CACNG7: variants seen among roughly 807,000 people sequenced by gnomAD.
The protein encoded by CACNG7 is voltage-dependent calcium channel gamma-7 subunit.
Under a neutral mutation model 26.3 loss-of-function variants are expected in CACNG7, and 9 were observed. The observed-to-expected ratio is 0.34, with a 90% CI of 0.21 to 0.60. CACNG7 has a LOEUF of 0.60. Among genes scored for constraint, CACNG7 ranks in the 20% least tolerant of loss-of-function variants. The pLI is 0.81. For missense variants in CACNG7, 297 were observed against 380.4 expected (o/e 0.78, Z 1.82); for synonymous variants, 170 against 157.0 (o/e 1.08, Z -0.62).
At position 53,942,318 on chromosome 19, in the gene CACNG7, GCCT is replaced by G. The variant is rs536287129; in HGVS notation, c.*39_*41del. 944 of 1,449,378 alleles carry G rather than the reference GCCT, an allele frequency of 6.5e-4. 2 individuals carry two copies. In the African/African-American group the frequency reaches 8.5e-3, roughly 13 times the overall value. 89.8% of individuals were successfully genotyped at this position (1,449,378 alleles called of 1,614,324 possible). ...AGGCCCGCCCCTCGGAGCTCCCCCTGCCTCCTCCTCCTCCTCGTCTTAGGGGGG... is the reference window on the plus strand; with the variant it reads ...AGGCCCGCCCCTCGGAGCTCCCCCTGCCTCCTCCTCCTCGTCTTAGGGGGG... On this transcript the variant is annotated 3_prime_UTR_variant, in exon 6 of 6. Coordinates refer to ENST00000391767, the MANE Select transcript of CACNG7 (RefSeq NM_031896.5). The surrounding 1 kb of genome is among the most constrained non-coding windows in gnomAD (Gnocchi z 5.9).
At chr19:53,929,834 G>C (rs910613155) in intron 4 of CACNG7, among the ~76,000 whole-genome samples, 2 of 152,124 alleles carry the variant, frequency 1.3e-5, no homozygotes, top group South Asian at 2.1e-4. Flanking sequence ...GTTAATTCTT[G>C]GAAGGGATAG....
At position 53,912,733 on chromosome 19, in the gene CACNG7, G is replaced by A. The variant is rs1158802118; in HGVS notation, c.-29-70G>A. 3 of 1,235,846 alleles carry A rather than the reference G, an allele frequency of 2.4e-6. No individual in the cohort carries two copies. The highest frequency in any genetic ancestry group is 2.3e-6 in the Non-Finnish European group (2 of 862,720). The allele number at this position is 1,235,846 out of a possible 1,614,324, so 76.6% of individuals were successfully genotyped here. On this transcript the variant is annotated intron_variant, in intron 1 of 5. Transcript: ENST00000391767. This position sits in a 1 kb window ranked among gnomAD's most constrained non-coding sequence, Gnocchi z 4.6. ...GTCTCTGGCTAGGGCCCAGCATCCC[G>A]GGTTGCTGCATGGGGTCAAGCACTC...
intron 4 of CACNG7, among the ~76,000 whole-genome samples, chr19:53,923,926 TC>T (rs1378120093): frequency 9.1e-5 from 11 of 121,518 alleles, no homozygotes; most frequent in Non-Finnish European, 1.5e-4. Context: ...GGTGGAGTTG[TC>T]CCCAGGTCTG....
At chr19:53,924,104 G>GTATTGGTGGAGTTGTCCCCAGGTCTGGT (rs1221782957) in intron 4 of CACNG7, among the ~76,000 whole-genome samples, 1 of 111,316 alleles carries the variant, frequency 9.0e-6, no homozygotes. Flanking sequence ...CCAGGTCTGG[G>GTATTGGTGGAGTTGTCCCCAGGTCTGGT]TATTGGTGGA....
At position 53,940,226 on chromosome 19, in the gene CACNG7, T is replaced by G. The variant is rs894613209; in HGVS notation, c.425-1244T>G. ...AAATTCTCAGATTGGACCTCTCCTC[T>G]GCACACTGTCCGTATGCTCTATTTC... is the stretch of plus-strand genomic sequence containing the variant. On this transcript the variant is annotated intron_variant, in intron 4 of 5. Coordinates refer to ENST00000391767, the MANE Select transcript of CACNG7 (RefSeq NM_031896.5). The surrounding 1 kb of genome is among the most constrained non-coding windows in gnomAD (Gnocchi z 4.1). 3.9e-5 allele frequency among the ~76,000 whole-genome samples: 6 copies of G among 152,210 alleles called. No individual in the cohort carries two copies. The highest frequency in any genetic ancestry group is 1.4e-4 in the African/African-American group (6 of 41,470).
intron 4 of CACNG7, among the ~76,000 whole-genome samples, chr19:53,930,342 A>G (rs925017312): frequency 4.4e-4 from 66 of 151,412 alleles, no homozygotes; most frequent in Admixed American, 4.3e-3. Context: ...CCGAATAGCT[A>G]GGACTACAGG....
chr19:53,935,700 C>A (rs962940887), intron 4 of CACNG7, among the ~76,000 whole-genome samples: 2 of 115,558 alleles, frequency 1.7e-5, no homozygotes, highest in Non-Finnish European at 3.2e-5. Context: ...AGTGCAATGG[C>A]GCGATCTCGG....
At chr19:53,936,709 A>G (rs1417925681) in intron 4 of CACNG7, among the ~76,000 whole-genome samples, 2 of 152,226 alleles carry the variant, frequency 1.3e-5, no homozygotes, top group South Asian at 4.2e-4. Context: ...CCTGGGTTCA[A>G]GCAATTCTTG....
At chr19:53,929,467 A>T (rs74491146) in intron 4 of CACNG7, among the ~76,000 whole-genome samples, 7,123 of 151,906 alleles carry the variant, frequency 0.047, 544 homozygotes, top group African/African-American at 0.16. Context: ...TGTATTTTTT[A>T]ATTTTTTGAG....
Position 53,940,140 on chromosome 19 carries a change from TC to T in CACNG7, c.425-1329del, listed in dbSNP as rs1471512285. Among the ~76,000 whole-genome samples the T allele has an allele frequency of 2.6e-5, 4 of 152,284 alleles. No homozygotes were observed. The highest frequency in any genetic ancestry group is 9.6e-5 in the African/African-American group (4 of 41,568). ...GAACTTTATAGCCTCCTTAAGCCAC[TC>T]TTGGCATGGTTACTGTTTAGAGGAA... is the stretch of plus-strand genomic sequence containing the variant. On this transcript the variant is annotated intron_variant, in intron 4 of 5. Coordinates refer to ENST00000391767, the MANE Select transcript of CACNG7 (RefSeq NM_031896.5). This position sits in a 1 kb window ranked among gnomAD's most constrained non-coding sequence, Gnocchi z 4.1.
chr19:53,937,397 A>G (rs307917), intron 4 of CACNG7, among the ~76,000 whole-genome samples: 130,794 of 152,176 alleles, frequency 0.86, 56,304 homozygotes, highest in East Asian at 0.97. Context: ...AATGTAGAAG[A>G]ACGTCCATTC....
chr19:53,923,099 G>GCTGGTCATTGGTGGAGTTGCCCCAGGT (rs1568775962), intron 4 of CACNG7, among the ~76,000 whole-genome samples: 2 of 121,156 alleles, frequency 1.7e-5, no homozygotes, highest in Non-Finnish European at 3.4e-5. Context: ...GTTGTCCCAG[G>GCTGGTCATTGGTGGAGTTGCCCCAGGT]CTGGTCATTG....
chr19:53,920,831 T>C (rs1368368438), intron 4 of CACNG7, among the ~76,000 whole-genome samples: 24 of 51,876 alleles, frequency 4.6e-4, no homozygotes, highest in African/African-American at 1.4e-3. Flanking sequence ...GGTGGAGTTG[T>C]CCCCAGGCCT....
intron 4 of CACNG7, among the ~76,000 whole-genome samples, chr19:53,922,517 T>G (rs1437573897): frequency 1.1e-5 from 1 of 89,864 alleles, no homozygotes; most frequent in Non-Finnish European, 2.1e-5. Flanking sequence ...GTCTGGTCAT[T>G]GGTGGAGTTG....
chr19:53,914,141 G>A (rs1449143640), intron 2 of CACNG7, among the ~76,000 whole-genome samples: 3 of 152,038 alleles, frequency 2.0e-5, no homozygotes, highest in Non-Finnish European at 2.9e-5. Context: ...AGGCATAGTG[G>A]CGCATGCCTG....
rs1054718270 is a variant in CACNG7, at chr19:53,914,296, G to C, written c.197-204G>C. Among the ~76,000 whole-genome samples the C allele has an allele frequency of 3.8e-3, 545 of 144,264 alleles. 4 individuals are homozygous for C. The highest frequency in any genetic ancestry group is 0.014 in the African/African-American group (514 of 36,590). The allele number at this position is 144,264 out of a possible 152,430, so 94.6% of individuals were successfully genotyped here. A position where few individuals can be genotyped will look rare whatever the true frequency, so the allele number is the denominator to read the frequency against. On this transcript the variant is annotated intron_variant, in intron 2 of 5. Transcript: ENST00000391767. Reference sequence around the variant, plus strand: ...CTCAAAAAAAAAAAAAAGAAAAAAAGAAAAAGAAAAGAAAGAGGAATCCCA... The same window carrying C: ...CTCAAAAAAAAAAAAAAGAAAAAAACAAAAAGAAAAGAAAGAGGAATCCCA...
intron 4 of CACNG7, among the ~76,000 whole-genome samples, chr19:53,916,122 C>A (rs1311970395): frequency 6.6e-6 from 1 of 152,236 alleles, no homozygotes; most frequent in African/African-American, 2.4e-5. Context: ...ATCCATCAAT[C>A]CACCTTATTG....
At chr19:53,928,033 A>G (rs7251033) in intron 4 of CACNG7, among the ~76,000 whole-genome samples, 24,862 of 148,142 alleles carry the variant, frequency 0.17, 2,843 homozygotes, top group East Asian at 0.35. Flanking sequence ...GGAGGAGAGT[A>G]AGAGAGTTGG....
chr19:53,915,175 G>T (rs888993654), intron 3 of CACNG7, among the ~76,000 whole-genome samples, 190 bp from the exon 4 acceptor site: 1 of 151,896 alleles, frequency 6.6e-6, no homozygotes, highest in African/African-American at 2.4e-5. Context: ...GTGAGGGGGC[G>T]TGGCAGGCTT....
Sources: gnomAD v4.1 joint callset for allele counts (sites outside exome capture counted in the v4.1 genomes callset) on GRCh38, gnomAD v4.1.1 for gene constraint, Gnocchi (gnomAD v3.1) non-coding constraint, MANE v1.5 for transcripts, NCBI Gene and HGNC (gene_info 2026-07-23, HGNC 2026-07-21) for gene names.